Variants in CMIP observed in about 807,000 individuals in gnomAD.
The protein encoded by CMIP is c-Maf inducing protein.
A neutral mutation model predicts 97.3 loss-of-function variants in CMIP; 13 were observed. The observed-to-expected ratio is 0.13, with a 90% CI of 0.09 to 0.21. The LOEUF is 0.21. Ranked by LOEUF, CMIP falls within the 10% of genes least tolerant of loss-of-function variation. The probability of loss-of-function intolerance (pLI) is 1.00; values close to 1 mark genes in which losing one functional copy is unlikely to be tolerated. For missense variants in CMIP, 847 were observed against 1,024.9 expected (o/e 0.83, Z 2.37); for synonymous variants, 538 against 436.3 (o/e 1.23, Z -2.91).
At chr16:81,672,375 G>GGT (rs373633623) in intron 9 of CMIP, among the ~76,000 whole-genome samples, 61 of 151,882 alleles carry the variant, frequency 4.0e-4, no homozygotes, top group African/African-American at 1.3e-3. Flanking sequence ...ATGACACACT[G>GGT]GTGTGTGTGT....
At chr16:81,486,933 CTGGG>C (rs1228026241) in intron 1 of CMIP, among the ~76,000 whole-genome samples, 2 of 152,266 alleles carry the variant, frequency 1.3e-5, no homozygotes, top group Non-Finnish European at 2.9e-5. Flanking sequence ...CCCCGGCCTC[CTGGG>C]GTTCAAAGGC....
chr16:81,634,782 C>G (rs929460170), intron 3 of CMIP, among the ~76,000 whole-genome samples: 3 of 152,154 alleles, frequency 2.0e-5, no homozygotes, highest in Admixed American at 6.5e-5. Context: ...GCCGGTGACT[C>G]CCACCCAGAG....
intron 15 of CMIP, among the ~76,000 whole-genome samples, 194 bp downstream of exon 15, chr16:81,699,995 C>G (rs1907214588): frequency 6.6e-6 from 1 of 152,152 alleles, no homozygotes; most frequent in Non-Finnish European, 1.5e-5. Flanking sequence ...CTGTTGTGAT[C>G]CAGCTGATCC....
At chr16:81,650,598 G>A (rs1597196825) in intron 3 of CMIP, among the ~76,000 whole-genome samples, 1 of 152,054 alleles carries the variant, frequency 6.6e-6, no homozygotes, top group East Asian at 1.9e-4. Flanking sequence ...ATGGAGAGGA[G>A]GAAGATGGGA....
intron 13 of CMIP, among the ~76,000 whole-genome samples, chr16:81,694,165 G>C (rs1005404601): frequency 2.6e-5 from 4 of 152,154 alleles, no homozygotes; most frequent in African/African-American, 7.2e-5. Flanking sequence ...AGTGTTGCGC[G>C]GCTGGTCCAC....
At chr16:81,557,638 G>T (rs78154669) in intron 1 of CMIP, among the ~76,000 whole-genome samples, 20,656 of 152,136 alleles carry the variant, frequency 0.14, 1,946 homozygotes, top group African/African-American at 0.26. Context: ...AGCCAGGCAT[G>T]GTGGTGCACA....
At position 81,453,303 on chromosome 16, in the gene CMIP, C is replaced by T. The variant is rs376912433; in HGVS notation, c.300+7762C>T. The stretch of plus-strand genomic sequence containing the variant: ...TTGGAGGGAAGCACGTGGTCTGGAT[C>T]GTCTGGTCCCTGGTGGATATAGGAT... On this transcript the variant is annotated intron_variant, in intron 1 of 20. Coordinates refer to ENST00000537098, the MANE Select transcript of CMIP (RefSeq NM_198390.3). This position sits in a 1 kb window ranked among gnomAD's most constrained non-coding sequence, Gnocchi z 4.0. Among the ~76,000 whole-genome samples, 28 of 152,310 alleles carry T rather than the reference C, an allele frequency of 1.8e-4. No individual in the cohort carries two copies. In the South Asian group the frequency reaches 5.6e-3, roughly 30 times the overall value.
At chr16:81,626,128 C>T (rs1013044246) in intron 3 of CMIP, among the ~76,000 whole-genome samples, 2 of 152,224 alleles carry the variant, frequency 1.3e-5, no homozygotes, top group African/African-American at 2.4e-5. Context: ...CCTCGATCAC[C>T]GCATCCAGGC....
intron 1 of CMIP, among the ~76,000 whole-genome samples, chr16:81,495,184 C>T (rs565477627): frequency 1.1e-3 from 164 of 152,330 alleles, no homozygotes; most frequent in Admixed American, 2.4e-3. Context: ...TCAGTGTTAG[C>T]TCTCACCATC....
chr16:81,494,589 G>A (rs991582183), intron 1 of CMIP, among the ~76,000 whole-genome samples: 2 of 152,164 alleles, frequency 1.3e-5, no homozygotes, highest in Admixed American at 6.5e-5. Context: ...GCCGGCTCCC[G>A]TTCTGAGGAG....
chr16:81,478,800 G>T (rs1268812167), intron 1 of CMIP, among the ~76,000 whole-genome samples: 1 of 152,190 alleles, frequency 6.6e-6, no homozygotes, highest in Non-Finnish European at 1.5e-5. Flanking sequence ...TCAGGGAGGG[G>T]AGCAGGAGAC....
intron 1 of CMIP, among the ~76,000 whole-genome samples, chr16:81,452,880 G>GTTTTTT (rs1220926915): frequency 6.3e-5 from 4 of 63,726 alleles, no homozygotes; most frequent in African/African-American, 2.6e-4. Context: ...TTTTTTTTTT[G>GTTTTTT]TTTTGTTTTT....
intron 3 of CMIP, among the ~76,000 whole-genome samples, chr16:81,642,377 A>C (rs2092316719): frequency 6.6e-6 from 1 of 152,142 alleles, no homozygotes; most frequent in African/African-American, 2.4e-5. Context: ...CCTTGAAAAC[A>C]TGAGTCCTGA....
chr16:81,617,826 C>T (rs2091940206), intron 2 of CMIP, among the ~76,000 whole-genome samples: 1 of 152,242 alleles, frequency 6.6e-6, no homozygotes, highest in Admixed American at 6.5e-5. Flanking sequence ...TCTCCTGGTG[C>T]TCCAGGCCAC....
chr16:81,656,433 A>G (rs2092482838), intron 4 of CMIP, among the ~76,000 whole-genome samples: 1 of 152,238 alleles, frequency 6.6e-6, no homozygotes, highest in Non-Finnish European at 1.5e-5. Flanking sequence ...CTTTTAGGAA[A>G]TACGAATTGG....
At chr16:81,531,252 C>T (rs1190116014) in intron 1 of CMIP, among the ~76,000 whole-genome samples, 2 of 152,174 alleles carry the variant, frequency 1.3e-5, no homozygotes, top group African/African-American at 4.8e-5. Context: ...ACAGATTCAG[C>T]TGCTAGCCAA....
intron 1 of CMIP, among the ~76,000 whole-genome samples, chr16:81,578,446 A>C (rs2091239442): frequency 6.6e-6 from 1 of 152,162 alleles, no homozygotes; most frequent in African/African-American, 2.4e-5. Flanking sequence ...GTTACTTTGA[A>C]TTGTATACCT....
chr16:81,626,845 AGTGT>A (rs139476724), intron 3 of CMIP, among the ~76,000 whole-genome samples: 6 of 101,600 alleles, frequency 5.9e-5, no homozygotes, highest in Non-Finnish European at 1.2e-4. Context: ...CTATTTTATG[AGTGT>A]GTGTGTGTGT....
chr16:81,563,198 G>A (rs532099718), intron 1 of CMIP, among the ~76,000 whole-genome samples: 31 of 152,340 alleles, frequency 2.0e-4, no homozygotes, highest in Middle Eastern at 3.4e-3. Flanking sequence ...GCCACAACCT[G>A]GCTGGCACCT....
Sources: allele counts gnomAD v4.1 joint callset (sites outside exome capture counted in the v4.1 genomes callset), GRCh38; gene constraint gnomAD v4.1.1; non-coding constraint Gnocchi (gnomAD v3.1); transcripts MANE v1.5; gene names NCBI Gene and HGNC (gene_info 2026-07-23, HGNC 2026-07-21).